MGRN1: variants seen among roughly 807,000 people sequenced by gnomAD.
MGRN1 encodes the protein mahogunin ring finger 1, also known as E3 ubiquitin-protein ligase MGRN1.
Under a neutral mutation model 69.2 loss-of-function variants are expected in MGRN1, and 29 were observed. The ratio of observed to expected loss-of-function variants is 0.42; its 90% CI spans 0.31 to 0.57. The LOEUF (loss-of-function observed/expected upper bound fraction) is 0.57. MGRN1 is among the 20% of genes least tolerant of loss of function. The pLI is 0.15. For synonymous variants in MGRN1, 470 were observed against 344.2 expected (o/e 1.37, Z -4.04); for missense variants, 998 against 796.2 (o/e 1.25, Z -3.05).
intron 1 of MGRN1, among the ~76,000 whole-genome samples, chr16:4,642,995 A>T (rs1208676250): frequency 6.6e-6 from 1 of 151,670 alleles, no homozygotes; most frequent in Admixed American, 6.6e-5. Flanking sequence ...CCACTCTGTC[A>T]CCCAGGCTAG....
intron 1 of MGRN1, among the ~76,000 whole-genome samples, chr16:4,631,094 T>TAA (rs1232868880): frequency 1.3e-5 from 2 of 152,180 alleles, no homozygotes; most frequent in Non-Finnish European, 2.9e-5. Context: ...AGTGCTGGGA[T>TAA]TACAGGTGTG....
intron 10 of MGRN1, among the ~76,000 whole-genome samples, chr16:4,676,139 G>T (rs1451583452): frequency 6.6e-6 from 1 of 152,260 alleles, no homozygotes; most frequent in Non-Finnish European, 1.5e-5. Flanking sequence ...GATGTGTCCA[G>T]ATCCCAGGAG....
chr16:4,654,897 GAGGAAC>G (rs2078496712), intron 4 of MGRN1, among the ~76,000 whole-genome samples: 1 of 152,362 alleles, frequency 6.6e-6, no homozygotes, highest in Admixed American at 6.5e-5. Flanking sequence ...GCACTTTGGG[GAGGAAC>G]AGGTTCCTTT....
intron 8 of MGRN1, among the ~76,000 whole-genome samples, chr16:4,670,231 T>C (rs910957900): frequency 6.6e-6 from 1 of 151,746 alleles, no homozygotes; most frequent in African/African-American, 2.4e-5. Context: ...GTTGGTTAAT[T>C]TGTTTTGTTT....
chr16:4,665,592 C>T (rs1043610592), intron 7 of MGRN1, among the ~76,000 whole-genome samples: 4 of 151,694 alleles, frequency 2.6e-5, no homozygotes, highest in Admixed American at 2.6e-4. Context: ...TGGTCTCAAA[C>T]TCCTGACCTC....
At position 4,688,810 on chromosome 16, in the gene MGRN1, A is replaced by G; in HGVS notation, c.1633A>G (p.Met545Val). The change falls in exon 17 of 17, where the codon ATG becomes GTG. Residue 545 changes from methionine to valine, a missense_variant. Met to Val is a conservative substitution (Grantham distance 21). Transcript: ENST00000262370. ...CCCACCTGCAGGACGGCCCACCTCCATGGAGACGGCCCACGGCCTCGCCAC... is the reference window on the plus strand; with the variant it reads ...CCCACCTGCAGGACGGCCCACCTCCGTGGAGACGGCCCACGGCCTCGCCAC... ...DIYLPGRPTSMETAHGLATTS... is the reference protein window; with the variant it reads ...DIYLPGRPTSVETAHGLATTS... 1 of 1,551,182 alleles carries G rather than the reference A, an allele frequency of 6.4e-7. No individual in the cohort carries two copies. Among genetic ancestry groups the G allele is most frequent in the Non-Finnish European group, 8.7e-7 (1 of 1,146,798 alleles).
At chr16:4,652,927 C>A in intron 4 of MGRN1, 103 bp downstream of exon 4, 1 of 1,375,862 alleles carries the variant, frequency 7.3e-7, no homozygotes, top group Non-Finnish European at 9.6e-7. Context: ...CCAAACCGTG[C>A]TCTTTGACCA....
intron 9 of MGRN1, 130 bp from the exon 10 acceptor site, chr16:4,673,368 C>G (rs926354120): frequency 3.2e-6 from 4 of 1,269,092 alleles, no homozygotes; most frequent in Non-Finnish European, 4.4e-6. Flanking sequence ...TCCCCCTCCC[C>G]TCTGGACTTC....
At position 4,689,261 on chromosome 16, in the gene MGRN1, G is replaced by A. The variant is rs553769697; in HGVS notation, c.*353G>A. The A allele has an allele frequency of 2.2e-4, 49 of 225,812 alleles. No individual in the cohort carries two copies. Among genetic ancestry groups the A allele is most frequent in the East Asian group, 1.5e-3 (16 of 10,998 alleles). 14.0% of individuals were successfully genotyped at this position (225,812 alleles called of 1,614,324 possible). Reference sequence around the variant, plus strand: ...TCCTGCAACAGTGCGGTCCCTGCCCGGAGAACTCAGGAGGCCTGCAGAAGA... The same window carrying A: ...TCCTGCAACAGTGCGGTCCCTGCCCAGAGAACTCAGGAGGCCTGCAGAAGA... On this transcript the variant is annotated 3_prime_UTR_variant, in exon 17 of 17. Coordinates refer to ENST00000262370, the MANE Select transcript of MGRN1 (RefSeq NM_015246.4).
intron 7 of MGRN1, 68 bp downstream of exon 7, chr16:4,665,219 G>T (rs753496758): frequency 6.4e-7 from 1 of 1,556,104 alleles, no homozygotes; most frequent in Non-Finnish European, 8.8e-7. Flanking sequence ...CTTTTGAGAC[G>T]AGAAGCCTGA....
intron 10 of MGRN1, 133 bp downstream of exon 10, chr16:4,673,790 T>G: frequency 8.4e-7 from 1 of 1,190,014 alleles, no homozygotes; most frequent in Non-Finnish European, 1.2e-6. Context: ...ATCTAGTCTG[T>G]GCTGAACGTG....
At chr16:4,627,570 A>T (rs142796821) in intron 1 of MGRN1, among the ~76,000 whole-genome samples, 2 of 151,796 alleles carry the variant, frequency 1.3e-5, no homozygotes, top group African/African-American at 2.4e-5. Context: ...GGCGGATCAC[A>T]AGGTCAGGAG....
At position 4,689,007 on chromosome 16, in the gene MGRN1, C is replaced by A. The variant is rs1044359132; in HGVS notation, c.*99C>A. On this transcript the variant is annotated 3_prime_UTR_variant, in exon 17 of 17. Transcript: ENST00000262370. ...GTGAGCCGGCCTCCTGTCTGCATGC[C>A]CCCTGTGGCCACCAGGCTCCGAGGG... 7.0e-6 allele frequency: 10 copies of A among 1,419,770 alleles called. No individual in the cohort carries two copies. The highest frequency in any genetic ancestry group is 9.3e-6 in the Non-Finnish European group (10 of 1,078,796). 87.9% of individuals were successfully genotyped at this position (1,419,770 alleles called of 1,614,324 possible).
chr16:4,663,186 C>A (rs1295552573), intron 5 of MGRN1, among the ~76,000 whole-genome samples: 1 of 152,124 alleles, frequency 6.6e-6, no homozygotes, highest in African/African-American at 2.4e-5. Flanking sequence ...ACCTCAGCCT[C>A]CCGAGTAGCT....
At chr16:4,659,231 G>A (rs373234626) in intron 5 of MGRN1, 1 of 152,154 alleles carries the variant, frequency 6.6e-6, no homozygotes, top group African/African-American at 2.4e-5. Flanking sequence ...CGGGTGGGTG[G>A]AGTCTCTGTC....
chr16:4,687,859 C>T (rs2079367646), intron 16 of MGRN1: 6 of 985,384 alleles, frequency 6.1e-6, no homozygotes, highest in South Asian at 4.7e-5. Flanking sequence ...TCCCATGAAC[C>T]TCTGTCTTCT....
intron 8 of MGRN1, among the ~76,000 whole-genome samples, chr16:4,671,154 T>C (rs770279562): frequency 2.6e-5 from 4 of 152,136 alleles, no homozygotes; most frequent in African/African-American, 7.2e-5. Flanking sequence ...GTGGGTTGGC[T>C]TCAGGCCCCC....
chr16:4,680,251 GTTT>G, intron 12 of MGRN1, 154 bp downstream of exon 12: 1 of 738,332 alleles, frequency 1.4e-6, no homozygotes, highest in Non-Finnish European at 2.2e-6. Context: ...TGCCCAGGGA[GTTT>G]GTGGAACCGG....
intron 5 of MGRN1, among the ~76,000 whole-genome samples, chr16:4,662,684 G>A (rs902166252): frequency 3.3e-5 from 5 of 152,214 alleles, no homozygotes; most frequent in African/African-American, 7.2e-5. Context: ...GCCGAGGCTC[G>A]GAGGGAGGAG....
Sources: allele counts gnomAD v4.1 joint callset (sites outside exome capture counted in the v4.1 genomes callset), GRCh38; gene constraint gnomAD v4.1.1; transcripts MANE v1.5; gene names NCBI Gene and HGNC (gene_info 2026-07-23, HGNC 2026-07-21).